The following WWOX variants were observed in gnomAD, a reference collection of about 807,000 sequenced individuals.
WWOX encodes WW domain-containing oxidoreductase.
WWOX carries 69 observed loss-of-function variants against 46.2 expected under a neutral mutation model. The ratio of observed to expected loss-of-function variants is 1.49; its 90% CI spans 1.23 to 1.82. The LOEUF (loss-of-function observed/expected upper bound fraction) is 1.82. Among genes scored for constraint, WWOX ranks in the 40% most tolerant of loss-of-function variants. The pLI is 0.00. For synonymous variants in WWOX, 359 were observed against 202.6 expected (o/e 1.77, Z -6.56); for missense variants, 919 against 542.6 (o/e 1.69, Z -6.89).
chr16:78,819,579 A>AC (rs1210456679), intron 8 of WWOX, among the ~76,000 whole-genome samples: 50 of 152,218 alleles, frequency 3.3e-4, no homozygotes, highest in Middle Eastern at 3.2e-3. Flanking sequence ...GGTACTCTGC[A>AC]TGTGGGGTAG....
intron 5 of WWOX, among the ~76,000 whole-genome samples, chr16:78,357,929 T>C (rs754457364): frequency 1.7e-4 from 26 of 152,268 alleles, no homozygotes; most frequent in Middle Eastern, 3.4e-3. Context: ...GGTGGACGCA[T>C]TGAGTAGGAG....
At chr16:78,309,163 A>G (rs985770840) in intron 5 of WWOX, among the ~76,000 whole-genome samples, 3 of 152,258 alleles carry the variant, frequency 2.0e-5, no homozygotes, top group African/African-American at 7.2e-5. Context: ...AATCCCCACA[A>G]TCCCGACATG....
intron 5 of WWOX, among the ~76,000 whole-genome samples, chr16:78,339,097 T>G (rs2080956182): frequency 8.3e-6 from 1 of 120,584 alleles, no homozygotes; most frequent in Admixed American, 8.1e-5. Context: ...ATGATGTGCA[T>G]CTTTTTTATT....
At chr16:79,039,326 G>A (rs558574530) in intron 8 of WWOX, among the ~76,000 whole-genome samples, 1 of 152,060 alleles carries the variant, frequency 6.6e-6, no homozygotes. Context: ...CAGAAGCCAA[G>A]TCACCTCATC....
chr16:78,717,336 C>T (rs8059714), intron 8 of WWOX, among the ~76,000 whole-genome samples: 2 of 152,022 alleles, frequency 1.3e-5, no homozygotes, highest in Non-Finnish European at 2.9e-5. Flanking sequence ...GCAGAACTTG[C>T]AATAATGTAA....
chr16:79,122,525 TTCTC>T (rs1162764219), intron 8 of WWOX, among the ~76,000 whole-genome samples: 3 of 151,984 alleles, frequency 2.0e-5, no homozygotes, highest in Non-Finnish European at 4.4e-5. Flanking sequence ...CCTTCCTTCC[TTCTC>T]TCTATCCTTC....
chr16:78,618,092 C>G (rs761095851), intron 8 of WWOX, among the ~76,000 whole-genome samples: 2 of 152,212 alleles, frequency 1.3e-5, no homozygotes, highest in African/African-American at 2.4e-5. Context: ...GAGGCCATGA[C>G]TGTCCACATT....
rs545985556 is a variant in WWOX at position 78,934,365 on chromosome 16, C to T, written c.1057-277243C>T. Among the ~76,000 whole-genome samples, 8 of 117,828 alleles carry T rather than the reference C, an allele frequency of 6.8e-5. No homozygotes were observed. In the South Asian group the frequency reaches 1.3e-3, roughly 19 times the overall value. 77.3% of individuals were successfully genotyped at this position (117,828 alleles called of 152,430 possible). Reference sequence around the variant, plus strand: ...AAAAAAAAAAAAGAAGAAACTTAGCCAGGTGTGGTGGTGCATACCTGTAGT... The same window carrying T: ...AAAAAAAAAAAAGAAGAAACTTAGCTAGGTGTGGTGGTGCATACCTGTAGT... On this transcript the variant is annotated intron_variant, in intron 8 of 8. Transcript: ENST00000566780.
intron 8 of WWOX, among the ~76,000 whole-genome samples, chr16:79,100,130 A>G (rs2049161924): frequency 6.6e-6 from 1 of 152,194 alleles, no homozygotes; most frequent in Non-Finnish European, 1.5e-5. Context: ...ACATCTACAA[A>G]ATACTGTCCC....
chr16:78,919,658 C>T (rs1009203932), intron 8 of WWOX, among the ~76,000 whole-genome samples: 1 of 151,820 alleles, frequency 6.6e-6, no homozygotes, highest in Non-Finnish European at 1.5e-5. Context: ...GCTGGGATTA[C>T]AGGCACACAC....
chr16:78,725,339 CT>C (rs921746316), intron 8 of WWOX, among the ~76,000 whole-genome samples: 7 of 86,776 alleles, frequency 8.1e-5, no homozygotes, highest in South Asian at 3.9e-4. Flanking sequence ...CTTTTCTTTT[CT>C]TTTCTTTTTT....
chr16:78,669,508 A>G (rs1429377020), intron 8 of WWOX, among the ~76,000 whole-genome samples: 1 of 152,216 alleles, frequency 6.6e-6, no homozygotes, highest in East Asian at 1.9e-4. Flanking sequence ...GGTGCTGACT[A>G]TCCTACAATC....
chr16:78,350,208 G>T lies in WWOX; in HGVS notation c.517-36652G>T, dbSNP rs777111174. 3.3e-5 allele frequency among the ~76,000 whole-genome samples: 4 copies of T among 120,914 alleles called. 2 individuals are homozygous for T. Among genetic ancestry groups the T allele is most frequent in the Non-Finnish European group, 7.9e-5 (4 of 50,640 alleles). 79.3% of individuals were successfully genotyped at this position (120,914 alleles called of 152,430 possible). A position where few individuals can be genotyped will look rare whatever the true frequency, so the allele number is the denominator to read the frequency against. The stretch of plus-strand genomic sequence containing the variant: ...GTTGCCTGATATGTCTCCATCAGTT[G>T]TGAGGTATGTTTCAAGTGATTTATT... On this transcript the variant is annotated intron_variant, in intron 5 of 8. Transcript: ENST00000566780.
intron 8 of WWOX, among the ~76,000 whole-genome samples, chr16:79,183,036 C>G (rs1297734034): frequency 1.3e-5 from 2 of 152,180 alleles, no homozygotes; most frequent in Non-Finnish European, 2.9e-5. Context: ...CAGGAGGGGT[C>G]ACCCCTGCCG....
At chr16:78,544,362 G>T (rs756066936) in intron 8 of WWOX, among the ~76,000 whole-genome samples, 1 of 152,046 alleles carries the variant, frequency 6.6e-6, no homozygotes, top group Non-Finnish European at 1.5e-5. Flanking sequence ...TGAACATTTT[G>T]CATTCTTTAT....
intron 8 of WWOX, among the ~76,000 whole-genome samples, chr16:78,600,528 G>A (rs945134328): frequency 6.6e-6 from 1 of 152,164 alleles, no homozygotes; most frequent in East Asian, 1.9e-4. Flanking sequence ...AATGAAAGAT[G>A]AGGGCAGGAT....
chr16:78,644,123 G>C (rs1258968332), intron 8 of WWOX, among the ~76,000 whole-genome samples: 1 of 152,162 alleles, frequency 6.6e-6, no homozygotes, highest in African/African-American at 2.4e-5. Flanking sequence ...TCAGAAGGCT[G>C]AGGCGGGAGA....
At chr16:78,985,580 C>G (rs548333437) in intron 8 of WWOX, among the ~76,000 whole-genome samples, 2 of 152,294 alleles carry the variant, frequency 1.3e-5, no homozygotes, top group Admixed American at 1.3e-4. Context: ...ACCAGCCTGA[C>G]AAACATGGTG....
intron 8 of WWOX, among the ~76,000 whole-genome samples, chr16:78,617,388 A>G (rs2046052264): frequency 7.3e-6 from 1 of 137,200 alleles, no homozygotes; most frequent in Admixed American, 8.0e-5. Flanking sequence ...GGCCACACAG[A>G]GAAACCTTGT....
Sources: gnomAD v4.1 joint callset for allele counts (sites outside exome capture counted in the v4.1 genomes callset) on GRCh38, gnomAD v4.1.1 for gene constraint, MANE v1.5 for transcripts, NCBI Gene and HGNC (gene_info 2026-07-23, HGNC 2026-07-21) for gene names.